The following ANKRD6 variants were observed in gnomAD, a reference collection of about 807,000 sequenced individuals.
ANKRD6 encodes ankyrin repeat domain-containing protein 6.
A neutral mutation model predicts 82.3 loss-of-function variants in ANKRD6; 56 were observed. The ratio of observed to expected loss-of-function variants is 0.68; its 90% CI spans 0.55 to 0.85. The LOEUF (loss-of-function observed/expected upper bound fraction) is 0.85, where lower values mean the gene tolerates loss of function less well. Among genes scored for constraint, ANKRD6 ranks in the 40% least tolerant of loss-of-function variants. ANKRD6 has a pLI of 0.00. For synonymous variants in ANKRD6, 347 were observed against 352.1 expected (o/e 0.99, Z 0.16); for missense variants, 852 against 907.6 (o/e 0.94, Z 0.79).
In ANKRD6 at chr6:89,596,012, G is replaced by C; in HGVS notation, c.217G>C (p.Asp73His). 1 of 1,604,866 alleles carries C rather than the reference G, an allele frequency of 6.2e-7. No individual in the cohort carries two copies. The highest frequency in any genetic ancestry group is 8.5e-7 in the Non-Finnish European group (1 of 1,175,526). ...TGGCTGCGACCTTGATGTCCAGGAT[G>C]ATGTGAGTAGAAGCCATCATTCTAT... ...KAGCDLDVQD[D>H]GDQTALHRAT... The change falls in exon 3 of 16, where the codon GAT becomes CAT. Residue 73 changes from aspartate (D) to histidine (H), a missense_variant and splice_region_variant. Asp to His is a moderately conservative substitution (Grantham distance 81). Transcript: ENST00000339746.
At chr6:89,521,142 T>C (rs895717620) in intron 1 of ANKRD6, among the ~76,000 whole-genome samples, 25 of 152,248 alleles carry the variant, frequency 1.6e-4, no homozygotes, top group African/African-American at 5.8e-4. Context: ...AACTCAATAC[T>C]GATTTGAGTA....
chr6:89,442,138 C>T (rs776821290), intron 1 of ANKRD6, among the ~76,000 whole-genome samples: 2 of 151,798 alleles, frequency 1.3e-5, no homozygotes, highest in African/African-American at 4.8e-5. Context: ...TGGGATTACA[C>T]GCATGCGCTC....
At chr6:89,628,827 TGAGGATG>T (rs1222479091) in intron 14 of ANKRD6, 2 of 366,230 alleles carry the variant, frequency 5.5e-6, no homozygotes, top group Non-Finnish European at 1.0e-5. Flanking sequence ...TTACTAACCG[TGAGGATG>T]GTACCAAGCC....
chr6:89,578,844 T>C (rs9451248), intron 2 of ANKRD6, among the ~76,000 whole-genome samples: 139,843 of 152,182 alleles, frequency 0.92, 64,435 homozygotes, highest in Non-Finnish European at 0.96. Context: ...ACCAAAGAAG[T>C]AGTAGGTGCT....
chr6:89,585,986 A>G (rs1793602838), intron 2 of ANKRD6, among the ~76,000 whole-genome samples: 3 of 152,216 alleles, frequency 2.0e-5, no homozygotes, highest in Non-Finnish European at 4.4e-5. Context: ...CAATGTTTAA[A>G]TTATTGTAAA....
intron 1 of ANKRD6, among the ~76,000 whole-genome samples, chr6:89,493,707 C>T (rs563005153): frequency 6.6e-6 from 1 of 152,262 alleles, no homozygotes; most frequent in African/African-American, 2.4e-5. Flanking sequence ...TGAGCCGCCA[C>T]GCCCAGCCTG....
intron 1 of ANKRD6, among the ~76,000 whole-genome samples, chr6:89,521,919 C>G (rs1445405664): frequency 6.6e-6 from 1 of 152,118 alleles, no homozygotes; most frequent in Non-Finnish European, 1.5e-5. Context: ...AAAAACAAAA[C>G]TTGAATATTG....
chr6:89,594,419 A>G (rs2128148686), intron 2 of ANKRD6, among the ~76,000 whole-genome samples: 1 of 151,776 alleles, frequency 6.6e-6, no homozygotes, highest in South Asian at 2.1e-4. Flanking sequence ...ATGCCATTGC[A>G]CTCCAGCCTG....
At chr6:89,435,070 G>A (rs1442764189) in intron 1 of ANKRD6, among the ~76,000 whole-genome samples, 4 of 152,082 alleles carry the variant, frequency 2.6e-5, no homozygotes, top group Non-Finnish European at 5.9e-5. Context: ...CCTCCCCAAA[G>A]CCTTTCCAGA....
At chr6:89,524,617 G>A (rs1379557840) in intron 1 of ANKRD6, among the ~76,000 whole-genome samples, 1 of 152,046 alleles carries the variant, frequency 6.6e-6, no homozygotes, top group Non-Finnish European at 1.5e-5. Context: ...ATTTTTTTTA[G>A]CCACATGTTG....
At chr6:89,567,330 C>T (rs1374712059) in intron 2 of ANKRD6, among the ~76,000 whole-genome samples, 12 of 152,152 alleles carry the variant, frequency 7.9e-5, no homozygotes, top group Non-Finnish European at 1.3e-4. Flanking sequence ...CTTTTCTCAC[C>T]TATTTCTTTA....
At chr6:89,630,093 C>T (rs1383758744) in intron 15 of ANKRD6, among the ~76,000 whole-genome samples, 1 of 152,140 alleles carries the variant, frequency 6.6e-6, no homozygotes, top group Non-Finnish European at 1.5e-5. Context: ...TGGTGAGCGG[C>T]ATCATCCTTA....
chr6:89,612,198 C>A, intron 5 of ANKRD6, 74 bp from the exon 6 acceptor site: 1 of 1,350,700 alleles, frequency 7.4e-7, no homozygotes, highest in Non-Finnish European at 1.0e-6. Context: ...TAAGTACTGC[C>A]CCTCTGCAAG....
intron 5 of ANKRD6, among the ~76,000 whole-genome samples, chr6:89,609,696 C>T (rs182485092): frequency 8.7e-4 from 132 of 152,258 alleles, no homozygotes; most frequent in African/African-American, 3.0e-3. Flanking sequence ...GCTGAAACCT[C>T]TGCCTCCCGG....
intron 1 of ANKRD6, among the ~76,000 whole-genome samples, chr6:89,526,525 C>G (rs2127981090): frequency 6.6e-6 from 1 of 152,292 alleles, no homozygotes; most frequent in East Asian, 1.9e-4. Context: ...GAATTCTGCC[C>G]ATTTCACAGT....
intron 2 of ANKRD6, among the ~76,000 whole-genome samples, chr6:89,579,756 C>CAAAAAAAA (rs61159223): frequency 5.8e-5 from 4 of 68,506 alleles, no homozygotes; most frequent in Admixed American, 2.4e-4. Context: ...GACCCTGTCT[C>CAAAAAAAA]AAAAAAAAAA....
intron 4 of ANKRD6, among the ~76,000 whole-genome samples, chr6:89,603,837 T>C (rs570067987): frequency 6.6e-6 from 1 of 151,744 alleles, no homozygotes; most frequent in Admixed American, 6.6e-5. Context: ...AATTTGAAAA[T>C]TAAGAAAATA....
chr6:89,500,924 T>C (rs901988416), intron 1 of ANKRD6, among the ~76,000 whole-genome samples: 1 of 151,806 alleles, frequency 6.6e-6, no homozygotes, highest in Non-Finnish European at 1.5e-5. Context: ...ATAATAAAGA[T>C]AATGTGATGC....
At position 89,474,196 on chromosome 6, in the gene ANKRD6, G is replaced by T. The variant is rs138907906; in HGVS notation, c.-144+40821G>T. ...CCTCCCAGGATAGCCTGTGCCTAGA[G>T]TGTGAACACACTGCCTATAGATTCT... is the stretch of plus-strand genomic sequence containing the variant. On this transcript the variant is annotated intron_variant, in intron 1 of 15. Transcript: ENST00000339746. 2.4e-3 allele frequency among the ~76,000 whole-genome samples: 360 copies of T among 152,330 alleles called. 1 individual carries two copies. Among genetic ancestry groups the T allele is most frequent in the African/African-American group, 8.3e-3 (343 of 41,568 alleles).
Sources: gnomAD v4.1 joint callset for allele counts (sites outside exome capture counted in the v4.1 genomes callset) on GRCh38, gnomAD v4.1.1 for gene constraint, MANE v1.5 for transcripts, NCBI Gene and HGNC (gene_info 2026-07-23, HGNC 2026-07-21) for gene names.